The following PALM3 variants were observed in gnomAD, a reference collection of about 807,000 sequenced individuals.
PALM3 encodes the protein paralemmin 3.
Under a neutral mutation model 27.9 loss-of-function variants are expected in PALM3, and 20 were observed. That is an observed-to-expected ratio of 0.72 (90% CI 0.50 to 1.04). The LOEUF (loss-of-function observed/expected upper bound fraction) is 1.04. PALM3 is among the 50% of genes least tolerant of loss of function. The pLI is 0.00. For synonymous variants in PALM3, 328 were observed against 352.7 expected, an observed-to-expected ratio of 0.93 and a Z score of 0.79; for missense variants, 814 against 869.4, an observed-to-expected ratio of 0.94 and a Z score of 0.80.
intron 1 of PALM3, among the ~76,000 whole-genome samples, chr19:14,061,047 C>T (rs934235346): frequency 6.6e-6 from 1 of 152,230 alleles, no homozygotes; most frequent in African/African-American, 2.4e-5. Flanking sequence ...AGGCGTGAGC[C>T]ACCGTGCCCG....
In PALM3 at chr19:14,055,192, C is replaced by A. The variant is rs891702947; in HGVS notation, c.480G>T (p.Pro160=). Residue 160 remains proline (P), a synonymous_variant, in exon 7 of 7, where the codon CCG becomes CCT. Transcript: ENST00000669674. ...CTGGAGGCGTGCCCACTAGTCCAGC[C>A]GGCAGGGAGGCTCTCTTGTTCAGAT... is the stretch of plus-strand genomic sequence containing the variant. ...QTDLNKRASL[P]AGLVGTPPES... is the part of the protein sequence containing the mutation. 5 of 1,538,732 alleles carry A rather than the reference C, an allele frequency of 3.2e-6. No individual in the cohort carries two copies. In the East Asian group the frequency reaches 1.2e-4, roughly 38 times the overall value.
chr19:14,057,773 TG>T (rs1456427366), intron 2 of PALM3, among the ~76,000 whole-genome samples: 1 of 150,288 alleles, frequency 6.7e-6, no homozygotes, highest in Non-Finnish European at 1.5e-5. Flanking sequence ...GGGGCAGAGC[TG>T]GGGAGCTCCG....
intron 1 of PALM3, among the ~76,000 whole-genome samples, chr19:14,060,344 C>T (rs150211209): frequency 0.016 from 2,371 of 151,968 alleles, 67 homozygotes; most frequent in African/African-American, 0.053. Flanking sequence ...AAGTGCCCCA[C>T]GGGGTTTCCG....
At chr19:14,060,386 T>A (rs1212886361) in intron 1 of PALM3, among the ~76,000 whole-genome samples, 1 of 151,894 alleles carries the variant, frequency 6.6e-6, no homozygotes, top group Non-Finnish European at 1.5e-5. Flanking sequence ...TGCCTCCCCC[T>A]CCCTGCCTCT....
rs1214437047 is a variant in PALM3 at position 14,055,120 on chromosome 19, G to A, written c.552C>T (p.Gly184=). The change falls in exon 7 of 7, where the codon GGC becomes GGT. Residue 184 remains glycine (G), a synonymous_variant. Transcript: ENST00000669674. ...PREDVLGFLP[G]PRQVPGAAGD... is the part of the protein sequence containing the mutation. The stretch of plus-strand genomic sequence containing the variant: ...CTGCTGCCCCGGGGACCTGCCTCGG[G>A]CCTGGCAGAAACCCCAAGACATCCT... 6.4e-7 allele frequency: 1 copy of A among 1,551,444 alleles called. No individual in the cohort carries two copies. Among genetic ancestry groups the A allele is most frequent in the Non-Finnish European group, 8.7e-7 (1 of 1,146,972 alleles).
intron 1 of PALM3, 42 bp downstream of exon 1, chr19:14,061,898 A>T: frequency 1.0e-6 from 1 of 972,550 alleles, no homozygotes; most frequent in African/African-American, 1.8e-5. Flanking sequence ...AGCCCCTCCC[A>T]AGGCCCTGCC....
Position 14,053,872 on chromosome 19 carries a change from C to T in PALM3, c.1800G>A (p.Leu600=). 6.4e-7 allele frequency: 1 copy of T among 1,551,594 alleles called. No homozygotes were observed. Among genetic ancestry groups the T allele is most frequent in the Non-Finnish European group, 8.7e-7 (1 of 1,146,908 alleles). Residue 600 remains leucine, a synonymous_variant, in exon 7 of 7, where the codon CTG becomes CTA. Transcript: ENST00000669674. ...TTTGGGGCTTCACTCCTTCCTCCTC[C>T]AGGGCTCCTACTGGCTTCTCCTGGG... The part of the protein sequence containing the change: ...PQPQEKPVGA[L]EEEGVKPQTA...
In PALM3 at chr19:14,057,400, G is replaced by A; in HGVS notation, c.122C>T (p.Ala41Val). Residue 41 changes from alanine (A) to valine (V), a missense_variant, in exon 3 of 7, where the codon GCC becomes GTC. By Grantham distance (64) the Ala-to-Val change is moderately conservative (BLOSUM62 0). Coordinates refer to ENST00000669674, the MANE Select transcript of PALM3 (RefSeq NM_001145028.2). ...CTCCTCCTCCACCTCCCGGCGCGCG[G>A]CGCGGATCTCCTCCTGCAGCCGCCG... ...EKRRLQEEIR[A>V]ARREVEEEKL... 2 of 1,543,842 alleles carry A rather than the reference G, an allele frequency of 1.3e-6. No homozygotes were observed. The highest frequency in any genetic ancestry group is 2.4e-5 in the South Asian group (2 of 83,828).
At chr19:14,060,575 G>C (rs1180681971) in intron 1 of PALM3, among the ~76,000 whole-genome samples, 4 of 152,078 alleles carry the variant, frequency 2.6e-5, no homozygotes, top group Admixed American at 2.6e-4. Context: ...GAAAACTGAG[G>C]TTCTGAGAAG....
chr19:14,057,580 G>T, intron 2 of PALM3, 149 bp from the exon 3 acceptor site: 1 of 505,528 alleles, frequency 2.0e-6, no homozygotes, highest in South Asian at 4.2e-5. Context: ...GCCCAGCGCG[G>T]GTCTGCACCC....
Position 14,057,417 on chromosome 19 carries a change from C to T in PALM3, c.105G>A (p.Leu35=). ...GGCGCGCGGCGCGGATCTCCTCCTG[C>T]AGCCGCCGCTTCTCCTGCGCACAGA... is the stretch of plus-strand genomic sequence containing the variant. ...RLEVIAEKRR[L]QEEIRAARRE... The change falls in exon 3 of 7, where the codon CTG becomes CTA. Residue 35 remains leucine, a synonymous_variant. Transcript: ENST00000669674. 1 of 1,541,472 alleles carries T rather than the reference C, an allele frequency of 6.5e-7. No homozygotes were observed. The highest frequency in any genetic ancestry group is 8.7e-7 in the Non-Finnish European group (1 of 1,144,556).
chr19:14,061,404 C>A (rs933650071), intron 1 of PALM3, among the ~76,000 whole-genome samples: 1 of 152,188 alleles, frequency 6.6e-6, no homozygotes, highest in Non-Finnish European at 1.5e-5. Flanking sequence ...ACTTCACACA[C>A]CCCATTCCAT....
In PALM3 at chr19:14,057,388, T is replaced by C; in HGVS notation, c.134A>G (p.Glu45Gly). 2 of 1,538,688 alleles carry C rather than the reference T, an allele frequency of 1.3e-6. No individual in the cohort carries two copies. Among genetic ancestry groups the C allele is most frequent in the Non-Finnish European group, 8.8e-7 (1 of 1,142,280 alleles). Residue 45 changes from glutamate to glycine, a missense_variant, in exon 3 of 7, where the codon GAG becomes GGG. Physicochemically the swap from Glu to Gly is moderately conservative, Grantham distance 98. Transcript: ENST00000669674. ...CACGCGGAGTTTCTCCTCCTCCACCTCCCGGCGCGCGGCGCGGATCTCCTC... is the reference window on the plus strand; with the variant it reads ...CACGCGGAGTTTCTCCTCCTCCACCCCCCGGCGCGCGGCGCGGATCTCCTC... Reference protein sequence around the residue: ...LQEEIRAARREVEEEKLRVER... With the variant: ...LQEEIRAARRGVEEEKLRVER...
In PALM3 at chr19:14,056,712, G is replaced by A. The variant is rs921154663; in HGVS notation, c.264C>T (p.Pro88=). ...GGATTCGGGCCTGAGCCTGGCCCTC[G>A]GGTGACTGGGGGTCCTTCGAGGTGG... ...EDPTSKDPQS[P]EGQAQARIRN... The change falls in exon 4 of 7, where the codon CCC becomes CCT. Residue 88 remains proline, a synonymous_variant. Coordinates refer to ENST00000669674, the MANE Select transcript of PALM3 (RefSeq NM_001145028.2). 7.7e-6 allele frequency: 12 copies of A among 1,551,608 alleles called. No individual in the cohort carries two copies. The highest frequency in any genetic ancestry group is 1.2e-5 in the South Asian group (1 of 84,070).
intron 1 of PALM3, among the ~76,000 whole-genome samples, chr19:14,060,850 T>G (rs946367116): frequency 6.6e-6 from 1 of 152,130 alleles, no homozygotes; most frequent in African/African-American, 2.4e-5. Context: ...AACCCCCGCT[T>G]CCTGGGTTCA....
intron 5 of PALM3, among the ~76,000 whole-genome samples, chr19:14,055,917 A>G (rs1283308861): frequency 6.6e-6 from 1 of 150,944 alleles, no homozygotes; most frequent in African/African-American, 2.4e-5. Flanking sequence ...TGCCCAGCTA[A>G]TTTTTGTTTG....
rs1234634614 is a variant in PALM3, at chr19:14,053,583, C to A, written c.*22G>T. 6.9e-6 allele frequency: 10 copies of A among 1,445,238 alleles called. No homozygotes were observed. The East Asian group carries it at 2.0e-4, about 29-fold the overall frequency. The allele number at this position is 1,445,238 out of a possible 1,614,324, so 89.5% of individuals were successfully genotyped here. A position where few individuals can be genotyped will look rare whatever the true frequency, so the allele number is the denominator to read the frequency against. On this transcript the variant is annotated 3_prime_UTR_variant, in exon 7 of 7. Transcript: ENST00000669674. ...CGAGGTAGCTGTGAGAGGAGCTGGA[C>A]ATGGGGTGGAGGGGCATGGGTTCAC...
intron 2 of PALM3, among the ~76,000 whole-genome samples, chr19:14,058,749 G>A (rs1268331023): frequency 6.6e-6 from 1 of 152,000 alleles, no homozygotes; most frequent in Admixed American, 6.6e-5. Flanking sequence ...GAGGAAGTCA[G>A]GGATGAAAGT....
intron 3 of PALM3, chr19:14,057,022 C>A: frequency 1.7e-6 from 1 of 603,696 alleles, no homozygotes; most frequent in Non-Finnish European, 2.9e-6. Flanking sequence ...CGGGCACTTC[C>A]AAAGTGAAAT....
Sources: allele counts gnomAD v4.1 joint callset (sites outside exome capture counted in the v4.1 genomes callset), GRCh38; gene constraint gnomAD v4.1.1; transcripts MANE v1.5; gene names NCBI Gene and HGNC (gene_info 2026-07-23, HGNC 2026-07-21).